SRGAP2C: variants seen among roughly 807,000 people sequenced by gnomAD.
The protein encoded by SRGAP2C is SLIT-ROBO Rho GTPase-activating protein 2C.
SRGAP2C carries 15 observed loss-of-function variants against 25.1 expected under a neutral mutation model. That is an observed-to-expected ratio of 0.60 (90% CI 0.40 to 0.92). The LOEUF (loss-of-function observed/expected upper bound fraction) is 0.92. SRGAP2C is among the 40% of genes least tolerant of loss of function. The pLI, the probability that SRGAP2C is intolerant of heterozygous loss-of-function variation, is 0.00. For synonymous variants in SRGAP2C, 44 were observed against 96.6 expected (o/e 0.46, Z 3.19); for missense variants, 144 against 264.4 (o/e 0.54, Z 3.16).
At chr1:121,339,252 C>CTTTT (rs1185472819) in intron 4 of SRGAP2C, among the ~76,000 whole-genome samples, 6 of 89,614 alleles carry the variant, frequency 6.7e-5, no homozygotes, top group Non-Finnish European at 1.0e-4. Flanking sequence ...GCTATGTTGT[C>CTTTT]TTTTTTTTTT....
intron 4 of SRGAP2C, among the ~76,000 whole-genome samples, chr1:121,345,561 T>C (rs1300053729): frequency 1.8e-4 from 27 of 151,856 alleles, no homozygotes; most frequent in Non-Finnish European, 3.2e-4. Context: ...GTGCTATAGA[T>C]TTAAATGCTG....
At chr1:121,347,035 G>T (rs587708337) in intron 4 of SRGAP2C, among the ~76,000 whole-genome samples, 1 of 151,058 alleles carries the variant, frequency 6.6e-6, no homozygotes, top group East Asian at 2.0e-4. Flanking sequence ...TGCCCTCTTT[G>T]GGAGCTACCA....
At chr1:121,285,956 A>C (rs1657355128) in intron 3 of SRGAP2C, among the ~76,000 whole-genome samples, 1 of 152,228 alleles carries the variant, frequency 6.6e-6, no homozygotes, top group African/African-American at 2.4e-5. Flanking sequence ...GTCTTGGGCC[A>C]CCCATAAAAT....
intron 2 of SRGAP2C, among the ~76,000 whole-genome samples, chr1:121,275,056 T>C (rs1657070453): frequency 6.8e-6 from 1 of 147,402 alleles, no homozygotes; most frequent in South Asian, 2.3e-4. Flanking sequence ...CCACCCAAGG[T>C]CTCAAGAGGT....
intron 2 of SRGAP2C, among the ~76,000 whole-genome samples, chr1:121,208,787 G>A (rs1204131596): frequency 2.0e-5 from 3 of 152,188 alleles, no homozygotes; most frequent in African/African-American, 7.2e-5. Context: ...ATGAATGAAC[G>A]AATGAAATTC....
chr1:121,374,918 C>T lies in SRGAP2C; in HGVS notation c.795C>T (p.Phe265=), dbSNP rs782246981. ...LALEATNASV[F]KYYIHDLSDL... is the part of the protein sequence containing the mutation. ...TGGAGGCAACCAATGCATCTGTCTT[C>T]AAGTACTACATCCATGACCTATCTG... is the stretch of plus-strand genomic sequence containing the variant. The change falls in exon 7 of 10, where the codon TTC becomes TTT. Residue 265 remains phenylalanine, a synonymous_variant. Transcript: ENST00000367123. The T allele has an allele frequency of 2.6e-6, 2 of 778,446 alleles. No homozygotes were observed. The highest frequency in any genetic ancestry group is 4.8e-6 in the Non-Finnish European group (2 of 416,988). The allele number at this position is 778,446 out of a possible 1,614,324, so 48.2% of individuals were successfully genotyped here. A position where few individuals can be genotyped will look rare whatever the true frequency, so the allele number is the denominator to read the frequency against.
intron 2 of SRGAP2C, among the ~76,000 whole-genome samples, chr1:121,263,481 A>G (rs1242175152): frequency 6.6e-6 from 1 of 151,588 alleles, no homozygotes; most frequent in African/African-American, 2.4e-5. Flanking sequence ...GGAACCTGTA[A>G]CACTTTGCTT....
chr1:121,274,038 C>T (rs1553335730), intron 2 of SRGAP2C, among the ~76,000 whole-genome samples: 1 of 150,448 alleles, frequency 6.6e-6, no homozygotes, highest in East Asian at 2.0e-4. Context: ...TCTGGCAGAG[C>T]AGGCCCTCAA....
intron 8 of SRGAP2C, among the ~76,000 whole-genome samples, chr1:121,385,002 G>T (rs1448795370): frequency 6.6e-6 from 1 of 152,088 alleles, no homozygotes; most frequent in African/African-American, 2.4e-5. Flanking sequence ...TGAAGGTTCC[G>T]CATTCTAGCC....
intron 3 of SRGAP2C, among the ~76,000 whole-genome samples, chr1:121,288,889 G>A (rs1553337210): frequency 5.6e-5 from 4 of 70,810 alleles, no homozygotes; most frequent in South Asian, 7.1e-4. Context: ...GGTTCTCCAC[G>A]TCCTCACTAG....
intron 2 of SRGAP2C, among the ~76,000 whole-genome samples, chr1:121,253,963 A>C (rs1309786009): frequency 6.6e-6 from 1 of 151,766 alleles, no homozygotes; most frequent in African/African-American, 2.4e-5. Flanking sequence ...CCCAGGCTGG[A>C]GTGCAGTGGC....
At chr1:121,189,199 A>T (rs1654608218) in intron 2 of SRGAP2C, among the ~76,000 whole-genome samples, 1 of 20,282 alleles carries the variant, frequency 4.9e-5, no homozygotes, top group Non-Finnish European at 8.0e-5. Flanking sequence ...CTCCAGAAGC[A>T]CGCCATTTGA....
rs1657360199 is a variant in SRGAP2C at position 121,286,125 on chromosome 1, T to C, written c.260+1130T>C. Among the ~76,000 whole-genome samples, 4 of 152,132 alleles carry C rather than the reference T, an allele frequency of 2.6e-5. No homozygotes were observed. The South Asian group carries it at 8.3e-4, about 32-fold the overall frequency. ...GGACAAGCTTGGTCTACAGTTTCTC[T>C]CCATTCCAATCTGCCTGCTCCATTG... On this transcript the variant is annotated intron_variant, in intron 3 of 9. Coordinates refer to ENST00000367123, the MANE Select transcript of SRGAP2C (RefSeq NM_001329984.2).
At chr1:121,331,113 G>A (rs1407798193) in intron 4 of SRGAP2C, among the ~76,000 whole-genome samples, 8 of 31,346 alleles carry the variant, frequency 2.6e-4, no homozygotes, top group Non-Finnish European at 3.8e-4. Flanking sequence ...TATTCATAAA[G>A]CTTTTGTGAT....
At chr1:121,320,990 C>T (rs1417675302) in intron 3 of SRGAP2C, among the ~76,000 whole-genome samples, 2 of 152,150 alleles carry the variant, frequency 1.3e-5, no homozygotes, top group Non-Finnish European at 2.9e-5. Context: ...ACCTGTACAG[C>T]TTTATTGGAG....
At chr1:121,285,992 TA>T (rs1198069754) in intron 3 of SRGAP2C, among the ~76,000 whole-genome samples, 15 of 152,094 alleles carry the variant, frequency 9.9e-5, no homozygotes, top group Admixed American at 6.5e-5. Context: ...CTGATGAGCT[TA>T]AAAAAAATTG....
rs1392339058 is a variant in SRGAP2C at position 121,391,248 on chromosome 1, C to T, written c.*3393C>T. The T allele has an allele frequency of 1.3e-5, 2 of 150,492 alleles. No homozygotes were observed. Among genetic ancestry groups the T allele is most frequent in the African/African-American group, 4.9e-5 (2 of 40,818 alleles). 9.3% of individuals were successfully genotyped at this position (150,492 alleles called of 1,614,324 possible). A position where few individuals can be genotyped will look rare whatever the true frequency, so the allele number is the denominator to read the frequency against. ...TGGTGGCGCATGCCTCATTCACGTA[C>T]ATGGGAGAGTCTACAAAGTCACACG... On this transcript the variant is annotated 3_prime_UTR_variant, in exon 10 of 10. Transcript: ENST00000367123.
At chr1:121,314,140 T>C (rs1315357508) in intron 3 of SRGAP2C, among the ~76,000 whole-genome samples, 3 of 91,912 alleles carry the variant, frequency 3.3e-5, no homozygotes, top group African/African-American at 1.3e-4. Context: ...TATTCTTTTT[T>C]CTCTAACCTT....
At chr1:121,198,364 A>G (rs1252142565) in intron 2 of SRGAP2C, among the ~76,000 whole-genome samples, 1 of 138,338 alleles carries the variant, frequency 7.2e-6, no homozygotes, top group Non-Finnish European at 1.6e-5. Flanking sequence ...CCCAGAAATC[A>G]CTGTGAAAGT....
Sources: allele counts gnomAD v4.1 joint callset (sites outside exome capture counted in the v4.1 genomes callset), GRCh38; gene constraint gnomAD v4.1.1; transcripts MANE v1.5; gene names NCBI Gene and HGNC (gene_info 2026-07-23, HGNC 2026-07-21).